Variants in MDGA2 observed in about 807,000 individuals in gnomAD.
MDGA2 encodes the protein MAM domain-containing glycosylphosphatidylinositol anchor protein 2.
MDGA2 carries 40 observed loss-of-function variants against 117.8 expected under a neutral mutation model. That is an observed-to-expected ratio of 0.34 (90% CI 0.26 to 0.44). MDGA2 has a LOEUF of 0.44. MDGA2 is among the 20% of genes least tolerant of loss of function. The pLI is 1.00. For missense variants in MDGA2, 1,123 were observed against 1,250.6 expected, an observed-to-expected ratio of 0.90 and a Z score of 1.54; for synonymous variants, 452 against 439.0, an observed-to-expected ratio of 1.03 and a Z score of -0.37.
chr14:47,000,365 G>GTA (rs1412735236), intron 8 of MDGA2, among the ~76,000 whole-genome samples: 52 of 51,430 alleles, frequency 1.0e-3, no homozygotes, highest in East Asian at 2.7e-3. Context: ...ACATATATAT[G>GTA]TATATATATA....
chr14:47,409,049 G>A (rs1026131912), intron 1 of MDGA2, among the ~76,000 whole-genome samples: 4 of 152,168 alleles, frequency 2.6e-5, no homozygotes, highest in Admixed American at 2.6e-4. Flanking sequence ...GTGGAAGACG[G>A]CATGTGGCGA....
chr14:47,119,169 G>GCCCCCCCCCCCC (rs755946456), intron 5 of MDGA2, among the ~76,000 whole-genome samples: 2 of 19,398 alleles, frequency 1.0e-4, no homozygotes, highest in Non-Finnish European at 2.3e-4. Context: ...TCCTGCCTCA[G>GCCCCCCCCCCCC]CCCCGCCCCC....
At chr14:47,076,670 T>C (rs1028498845) in intron 6 of MDGA2, among the ~76,000 whole-genome samples, 1 of 152,056 alleles carries the variant, frequency 6.6e-6, no homozygotes, top group African/African-American at 2.4e-5. Context: ...TTTATCTACA[T>C]ATTTGAAATC....
At chr14:47,376,537 C>G (rs866769709) in intron 1 of MDGA2, among the ~76,000 whole-genome samples, 2 of 139,314 alleles carry the variant, frequency 1.4e-5, no homozygotes, top group South Asian at 2.4e-4. Flanking sequence ...TTAATGCTAA[C>G]TTTAAACCTT....
At chr14:47,030,963 T>C (rs1476629298) in intron 8 of MDGA2, among the ~76,000 whole-genome samples, 2 of 152,134 alleles carry the variant, frequency 1.3e-5, no homozygotes, top group Non-Finnish European at 2.9e-5. Flanking sequence ...TATTTCATTG[T>C]AGTGACTATG....
In MDGA2 at chr14:47,570,430, A is replaced by G. The variant is rs183984363; in HGVS notation, c.280+104087T>C. On this transcript the variant is annotated intron_variant, in intron 1 of 16. Coordinates refer to ENST00000399232, the MANE Select transcript of MDGA2 (RefSeq NM_001113498.3). The stretch of plus-strand genomic sequence containing the variant: ...TTAGACAAGTTCTTTAACCTCTTTA[A>G]GTCAGTATACTCATGTGCAAAATGA... Among the ~76,000 whole-genome samples the G allele has an allele frequency of 3.3e-4, 51 of 152,304 alleles. No individual in the cohort carries two copies. The East Asian group carries it at 8.9e-3, about 26-fold the overall frequency.
intron 3 of MDGA2, among the ~76,000 whole-genome samples, chr14:47,180,121 C>T (rs1414983820): frequency 1.3e-5 from 2 of 152,022 alleles, no homozygotes; most frequent in Non-Finnish European, 2.9e-5. Context: ...CAGATTATTG[C>T]ATCATCCAGG....
intron 1 of MDGA2, among the ~76,000 whole-genome samples, chr14:47,625,587 T>C (rs912679310): frequency 6.6e-6 from 1 of 152,206 alleles, no homozygotes; most frequent in African/African-American, 2.4e-5. Flanking sequence ...AAAATAGACA[T>C]ATAAAGATTC....
intron 1 of MDGA2, among the ~76,000 whole-genome samples, chr14:47,665,137 T>C (rs143659833): frequency 3.4e-4 from 51 of 152,096 alleles, no homozygotes; most frequent in African/African-American, 9.2e-4. Flanking sequence ...ACCCACACAA[T>C]AGCAATGCCC....
At chr14:47,006,432 T>C (rs929580919) in intron 8 of MDGA2, among the ~76,000 whole-genome samples, 2 of 141,220 alleles carry the variant, frequency 1.4e-5, no homozygotes, top group Non-Finnish European at 3.0e-5. Context: ...ATTATATGTA[T>C]ATGTTTTAAT....
chr14:47,452,884 T>C (rs1171043781), intron 1 of MDGA2, among the ~76,000 whole-genome samples: 1 of 152,108 alleles, frequency 6.6e-6, no homozygotes, highest in Non-Finnish European at 1.5e-5. Flanking sequence ...TAGTGGAAGG[T>C]AGAGACATAA....
At chr14:46,899,654 C>T (rs575004220) in intron 10 of MDGA2, among the ~76,000 whole-genome samples, 2 of 150,710 alleles carry the variant, frequency 1.3e-5, no homozygotes, top group Non-Finnish European at 3.0e-5. Context: ...AAATTTTTAA[C>T]CGAAATGTAA....
At chr14:47,419,548 C>G (rs955180096) in intron 1 of MDGA2, among the ~76,000 whole-genome samples, 1 of 151,964 alleles carries the variant, frequency 6.6e-6, no homozygotes, top group Non-Finnish European at 1.5e-5. Context: ...ATGTTTAGTA[C>G]TCTTGTATTT....
chr14:47,209,132 T>C (rs943203819), intron 3 of MDGA2, among the ~76,000 whole-genome samples: 2 of 152,204 alleles, frequency 1.3e-5, no homozygotes, highest in Admixed American at 6.5e-5. Context: ...ACTTTTGATA[T>C]GTAAACAAAT....
intron 5 of MDGA2, among the ~76,000 whole-genome samples, chr14:47,117,662 C>T (rs1390686879): frequency 6.6e-6 from 1 of 152,026 alleles, no homozygotes; most frequent in Non-Finnish European, 1.5e-5. Flanking sequence ...AGAAATATTG[C>T]ACAATTGCAT....
intron 1 of MDGA2, among the ~76,000 whole-genome samples, chr14:47,329,202 GA>G (rs1310608913): frequency 2.0e-5 from 3 of 152,128 alleles, no homozygotes; most frequent in African/African-American, 7.2e-5. Context: ...AAAGTGTTGA[GA>G]TTACACGTGT....
chr14:47,195,249 T>C (rs902825776), intron 3 of MDGA2, among the ~76,000 whole-genome samples: 2 of 152,078 alleles, frequency 1.3e-5, no homozygotes, highest in Admixed American at 6.6e-5. Context: ...CAATAGTTTT[T>C]AGATTTATTT....
At chr14:46,849,098 T>C (rs572124405) in intron 15 of MDGA2, among the ~76,000 whole-genome samples, 84 of 152,144 alleles carry the variant, frequency 5.5e-4, no homozygotes, top group African/African-American at 2.0e-3. Flanking sequence ...ATAAATCTAG[T>C]TATTTATTGG....
chr14:47,289,380 CAT>C (rs1888802719), intron 2 of MDGA2, among the ~76,000 whole-genome samples: 1 of 150,206 alleles, frequency 6.7e-6, no homozygotes, highest in East Asian at 1.9e-4. Flanking sequence ...AATACAGACT[CAT>C]ATACTAGATC....
Sources: gnomAD v4.1 joint callset for allele counts (sites outside exome capture counted in the v4.1 genomes callset) on GRCh38, gnomAD v4.1.1 for gene constraint, MANE v1.5 for transcripts, NCBI Gene and HGNC (gene_info 2026-07-23, HGNC 2026-07-21) for gene names.